CCM2: variants seen among roughly 807,000 people sequenced by gnomAD.
The protein encoded by CCM2 is cerebral cavernous malformations 2 protein.
Under a neutral mutation model 44.9 loss-of-function variants are expected in CCM2, and 25 were observed. The observed-to-expected ratio is 0.56, with a 90% CI of 0.41 to 0.78. The LOEUF is 0.78. Ranked by LOEUF, CCM2 falls within the 30% of genes least tolerant of loss-of-function variation. The pLI is 0.00. For missense variants in CCM2, 481 were observed against 580.6 expected (o/e 0.83, Z 1.76); for synonymous variants, 219 against 241.1 (o/e 0.91, Z 0.85).
At chr7:45,032,387 C>CA (rs1355873502) in intron 1 of CCM2, among the ~76,000 whole-genome samples, 1 of 152,034 alleles carries the variant, frequency 6.6e-6, no homozygotes. Context: ...CCGGGGTCGC[C>CA]CTCCTCTGCT....
intron 4 of CCM2, 147 bp from the exon 5 acceptor site, chr7:45,068,296 C>T (rs898400588): frequency 1.0e-6 from 1 of 966,282 alleles, no homozygotes; most frequent in Non-Finnish European, 1.6e-6. Flanking sequence ...GTGTCTGGTG[C>T]AGGCCCTTCA....
chr7:45,062,114 T>C (rs2128746222), intron 2 of CCM2, among the ~76,000 whole-genome samples: 1 of 152,360 alleles, frequency 6.6e-6, no homozygotes, highest in East Asian at 1.9e-4. Context: ...CTGATGGATC[T>C]GAGAACAGTC....
At chr7:45,022,781 G>T (rs192811360) in intron 1 of CCM2, among the ~76,000 whole-genome samples, 101 of 151,804 alleles carry the variant, frequency 6.7e-4, no homozygotes, top group African/African-American at 2.2e-3. Context: ...CATTCTGTTG[G>T]CCAGGCTGGA....
At chr7:45,059,837 G>A (rs1798443242) in intron 2 of CCM2, among the ~76,000 whole-genome samples, 1 of 152,184 alleles carries the variant, frequency 6.6e-6, no homozygotes, top group African/African-American at 2.4e-5. Flanking sequence ...TTCAAATAAT[G>A]CTGTGCTGCT....
intron 1 of CCM2, among the ~76,000 whole-genome samples, chr7:45,025,248 G>T (rs1211931054): frequency 6.6e-6 from 1 of 152,084 alleles, no homozygotes; most frequent in Non-Finnish European, 1.5e-5. Flanking sequence ...TTTGTAATAT[G>T]GTTCTACTAC....
rs566488106 is a variant in CCM2 at position 45,064,353 on chromosome 7, T to C, written c.289-110T>C. ...GGGGAATAACACTGACCTTATTCAC[T>C]CAGCATTTGTCACATGTGTGACATC... is the stretch of plus-strand genomic sequence containing the variant. On this transcript the variant is annotated intron_variant, in intron 3 of 9. Transcript: ENST00000258781. 30 of 1,064,930 alleles carry C rather than the reference T, an allele frequency of 2.8e-5. No homozygotes were observed. The East Asian group carries it at 7.5e-4, about 27-fold the overall frequency. The allele number at this position is 1,064,930 out of a possible 1,614,324, so 66.0% of individuals were successfully genotyped here. A position where few individuals can be genotyped will look rare whatever the true frequency, so the allele number is the denominator to read the frequency against.
At chr7:45,061,670 A>G (rs897678933) in intron 2 of CCM2, among the ~76,000 whole-genome samples, 9 of 151,730 alleles carry the variant, frequency 5.9e-5, no homozygotes, top group African/African-American at 1.9e-4. Context: ...CTTGTTGTAG[A>G]GATAGGGTCT....
intron 1 of CCM2, among the ~76,000 whole-genome samples, chr7:45,034,206 G>A (rs954822512): frequency 2.4e-4 from 37 of 151,736 alleles, no homozygotes; most frequent in Non-Finnish European, 2.9e-5. Flanking sequence ...TCTTATGGAA[G>A]CACTTTTTTT....
chr7:45,002,297 G>A (rs1795670168), intron 1 of CCM2, among the ~76,000 whole-genome samples: 1 of 152,186 alleles, frequency 6.6e-6, no homozygotes, highest in Admixed American at 6.5e-5. Flanking sequence ...AATTAGGCTG[G>A]GTATGGTAGC....
Position 45,016,289 on chromosome 7 carries a change from G to A in CCM2, c.30+15926G>A, listed in dbSNP as rs1796260568. 2.0e-5 allele frequency among the ~76,000 whole-genome samples: 3 copies of A among 152,028 alleles called. No homozygotes were observed. The South Asian group carries it at 6.2e-4, about 32-fold the overall frequency. ...AGGAGTTATGAATATTCATGGAGGG[G>A]GTCCTGATGCATGTGTACTGAACAG... On this transcript the variant is annotated intron_variant, in intron 1 of 9. Coordinates refer to ENST00000258781, the MANE Select transcript of CCM2 (RefSeq NM_031443.4).
chr7:45,030,118 C>T lies in CCM2; in HGVS notation c.31-8135C>T, dbSNP rs188151764. Among the ~76,000 whole-genome samples the T allele has an allele frequency of 1.9e-3, 291 of 152,278 alleles. 1 individual carries two copies. The highest frequency in any genetic ancestry group is 6.2e-3 in the African/African-American group (258 of 41,562). On this transcript the variant is annotated intron_variant, in intron 1 of 9. Coordinates refer to ENST00000258781, the MANE Select transcript of CCM2 (RefSeq NM_031443.4). ...ACAGCCTCAGTTTCTTCAGGAGAGACTTAGGCTGGGATAGACTCCACACCT... is the reference window on the plus strand; with the variant it reads ...ACAGCCTCAGTTTCTTCAGGAGAGATTTAGGCTGGGATAGACTCCACACCT...
intron 1 of CCM2, among the ~76,000 whole-genome samples, chr7:45,036,065 G>A (rs1210989219): frequency 6.6e-6 from 1 of 152,142 alleles, no homozygotes; most frequent in African/African-American, 2.4e-5. Context: ...AAGTGGTGCA[G>A]CCCAATGCAT....
At chr7:45,055,052 GA>G (rs1798194352) in intron 2 of CCM2, among the ~76,000 whole-genome samples, 2 of 152,180 alleles carry the variant, frequency 1.3e-5, no homozygotes, top group Admixed American at 1.3e-4. Context: ...GAAGAAAGTA[GA>G]ATCGTGAATC....
intron 2 of CCM2, among the ~76,000 whole-genome samples, chr7:45,041,391 G>A (rs999921949): frequency 1.3e-5 from 2 of 152,122 alleles, no homozygotes; most frequent in African/African-American, 4.8e-5. Flanking sequence ...ATGCAATAAC[G>A]TAAGAACACT....
intron 6 of CCM2, 79 bp downstream of exon 6, chr7:45,070,040 T>G: frequency 6.4e-7 from 1 of 1,569,428 alleles, no homozygotes; most frequent in South Asian, 1.1e-5. Flanking sequence ...TCCCCATGAG[T>G]TACTCCTGGA....
At chr7:45,056,860 T>C (rs1798288284) in intron 2 of CCM2, among the ~76,000 whole-genome samples, 1 of 152,212 alleles carries the variant, frequency 6.6e-6, no homozygotes, top group Non-Finnish European at 1.5e-5. Context: ...TGCCTGTGCT[T>C]TTGGTGTGAT....
Position 45,029,664 on chromosome 7 carries a change from C to A in CCM2, c.31-8589C>A, listed in dbSNP as rs916795186. 2.0e-5 allele frequency among the ~76,000 whole-genome samples: 3 copies of A among 152,132 alleles called. No individual in the cohort carries two copies. The East Asian group carries it at 5.8e-4, about 29-fold the overall frequency. On this transcript the variant is annotated intron_variant, in intron 1 of 9. Coordinates refer to ENST00000258781, the MANE Select transcript of CCM2 (RefSeq NM_031443.4). ...GTTTCTGAGAATTTGTTGAGCAGAT[C>A]CAGTTACTCCAGATCCTGTTCACCC... is the stretch of plus-strand genomic sequence containing the variant.
At chr7:45,043,705 A>G (rs771522581) in intron 2 of CCM2, 2 of 397,084 alleles carry the variant, frequency 5.0e-6, no homozygotes, top group Admixed American at 3.6e-5. Flanking sequence ...CTTTCCTTCT[A>G]GGGCTCCCAT....
Position 45,076,172 on chromosome 7 carries a change from G to T in CCM2, c.*115G>T. ...TGGTGGTGGCCAGGGAGAGGCGCCC[G>T]GTGCAGATGGCCCCGGGCGGCCCAG... On this transcript the variant is annotated 3_prime_UTR_variant, in exon 10 of 10. Transcript: ENST00000258781. The T allele has an allele frequency of 6.8e-7, 1 of 1,474,904 alleles. No homozygotes were observed. The highest frequency in any genetic ancestry group is 9.2e-7 in the Non-Finnish European group (1 of 1,084,214). The allele number at this position is 1,474,904 out of a possible 1,614,324, so 91.4% of individuals were successfully genotyped here.
Sources: allele counts gnomAD v4.1 joint callset (sites outside exome capture counted in the v4.1 genomes callset), GRCh38; gene constraint gnomAD v4.1.1; transcripts MANE v1.5; gene names NCBI Gene and HGNC (gene_info 2026-07-23, HGNC 2026-07-21).